Variants in CHAF1A observed in about 807,000 individuals in gnomAD.
CHAF1A encodes the protein CAF-1 subunit A.
In CHAF1A, 5 loss-of-function variants were observed where a neutral mutation model predicts 93.2. The observed-to-expected ratio is 0.05, with a 90% CI of 0.03 to 0.11. The LOEUF (loss-of-function observed/expected upper bound fraction) is 0.11, where lower values mean the gene tolerates loss of function less well. CHAF1A is among the 10% of genes least tolerant of loss of function. The pLI is 1.00. For synonymous variants in CHAF1A, 504 were observed against 510.3 expected, an observed-to-expected ratio of 0.99 and a Z score of 0.17; for missense variants, 1,102 against 1,259.9, an observed-to-expected ratio of 0.87 and a Z score of 1.90.
chr19:4,447,395 G>A, downstream of CHAF1A: 1 of 748,628 alleles, frequency 1.3e-6, no homozygotes, highest in South Asian at 1.6e-5. Context: ...ATCTTGTCCT[G>A]CTACCTTCTA....
chr19:4,408,804 T>C, intron 2 of CHAF1A, 99 bp from the exon 3 acceptor site: 2 of 1,435,802 alleles, frequency 1.4e-6, no homozygotes, highest in Non-Finnish European at 1.9e-6. Flanking sequence ...TTTAAAATTA[T>C]CTCCCACCCC....
At chr19:4,429,870 G>A (rs1172440911) in intron 10 of CHAF1A, 82 bp downstream of exon 10, 2 of 1,241,474 alleles carry the variant, frequency 1.6e-6, no homozygotes, top group Non-Finnish European at 2.3e-6. Context: ...TAAGGATGCA[G>A]CCCAGCTGTG....
intron 3 of CHAF1A, among the ~76,000 whole-genome samples, chr19:4,417,372 T>C (rs1050342636): frequency 6.6e-6 from 1 of 151,862 alleles, no homozygotes; most frequent in Non-Finnish European, 1.5e-5. Flanking sequence ...TATATTCCTG[T>C]AAGAACTCCA....
At chr19:4,445,965 C>T (rs758531878), downstream of CHAF1A, 4 of 1,509,168 alleles carry the variant, frequency 2.7e-6, no homozygotes, top group Non-Finnish European at 3.5e-6. Flanking sequence ...AACAAGGAGG[C>T]TCCCTCCTGG....
rs1384786906 is a variant in CHAF1A at position 4,442,344 on chromosome 19, G to A, written c.2770+3G>A. 6.3e-7 allele frequency: 1 copy of A among 1,581,428 alleles called. No individual in the cohort carries two copies. Among genetic ancestry groups the A allele is most frequent in the African/African-American group, 1.3e-5 (1 of 74,516 alleles). ...CGTGGATGTCCCGGATGCTGCGGGT[G>A]AGAAGGGCTGTAGATAGCAGAACGC... On this transcript the variant is annotated splice_donor_region_variant and intron_variant, in intron 14 of 14. Transcript: ENST00000301280.
chr19:4,447,523 G>A (rs763701564), downstream of CHAF1A: 16 of 1,612,102 alleles, frequency 9.9e-6, no homozygotes, highest in African/African-American at 2.1e-4. Context: ...CCCAGCCTGG[G>A]CCCCGGGGGC....
intron 7 of CHAF1A, among the ~76,000 whole-genome samples, chr19:4,426,372 G>C (rs899255886): frequency 8.6e-5 from 13 of 151,776 alleles, no homozygotes; most frequent in Non-Finnish European, 1.5e-4. Context: ...TTTGCACCGT[G>C]TTGGCCAGGA....
chr19:4,417,077 T>TC (rs1973908220), intron 3 of CHAF1A, among the ~76,000 whole-genome samples: 1 of 152,156 alleles, frequency 6.6e-6, no homozygotes, highest in East Asian at 1.9e-4. Flanking sequence ...CCTCCCGGGC[T>TC]CCTCCCACCC....
intron 14 of CHAF1A, among the ~76,000 whole-genome samples, 199 bp downstream of exon 14, chr19:4,442,540 GC>G (rs1258788606): frequency 6.6e-6 from 1 of 152,226 alleles, no homozygotes; most frequent in Non-Finnish European, 1.5e-5. Context: ...CATCGTTCTG[GC>G]CGCAGAGCCA....
intron 1 of CHAF1A, among the ~76,000 whole-genome samples, chr19:4,405,262 T>G (rs1401578507): frequency 1.3e-5 from 2 of 152,164 alleles, no homozygotes; most frequent in Middle Eastern, 3.4e-3. Flanking sequence ...ACACGAAAGT[T>G]TCAGATTAAA....
At position 4,433,523 on chromosome 19, in the gene CHAF1A, G is replaced by T. The variant is rs778336745; in HGVS notation, c.2657G>T (p.Arg886Leu). Residue 886 changes from arginine (R) to leucine (L), a missense_variant, in exon 13 of 15, where the codon CGC (arginine) becomes CTC (leucine). This residue lies in a region of CHAF1A where 119 missense variants were observed against 102.2 expected (regional missense o/e 1.16). Transcript: ENST00000301280. The surrounding 1 kb of genome is among the most constrained non-coding windows in gnomAD (Gnocchi z 5.6). ...SMCITQFMKK[R>L]RHDGQIGAED... Reference sequence around the variant, plus strand: ...TGCATCACCCAATTCATGAAGAAGCGCAGGCACGACGGCCAGGTGAGGTGG... The same window carrying T: ...TGCATCACCCAATTCATGAAGAAGCTCAGGCACGACGGCCAGGTGAGGTGG... 2.5e-6 allele frequency: 4 copies of T among 1,579,420 alleles called. No individual in the cohort carries two copies. The highest frequency in any genetic ancestry group is 2.3e-5 in the East Asian group (1 of 43,926).
intron 8 of CHAF1A, 159 bp downstream of exon 8, chr19:4,429,049 C>T (rs1337795355): frequency 4.9e-6 from 3 of 617,688 alleles, no homozygotes; most frequent in East Asian, 2.7e-5. Flanking sequence ...CCTCTCTCCA[C>T]CTGGCCTTCC....
At chr19:4,428,317 G>T (rs750940154) in intron 7 of CHAF1A, among the ~76,000 whole-genome samples, 67 of 147,724 alleles carry the variant, frequency 4.5e-4, no homozygotes, top group Non-Finnish European at 3.0e-4. Context: ...TTTAAGTGAG[G>T]TTTGTTGAGA....
intron 13 of CHAF1A, among the ~76,000 whole-genome samples, chr19:4,440,999 TA>T (rs71166997): frequency 0.36 from 47,348 of 132,560 alleles, 8,262 homozygotes; most frequent in East Asian, 0.61. Context: ...GGGCACCTGT[TA>T]AAAAAAAAAA....
chr19:4,413,272 G>A (rs1347364701), intron 3 of CHAF1A, among the ~76,000 whole-genome samples: 4 of 152,054 alleles, frequency 2.6e-5, no homozygotes, highest in East Asian at 1.9e-4. Context: ...GGGTTTCACC[G>A]TGTTGGACAG....
chr19:4,426,765 C>T (rs1032660695), intron 7 of CHAF1A, among the ~76,000 whole-genome samples: 12 of 152,046 alleles, frequency 7.9e-5, no homozygotes, highest in African/African-American at 2.9e-4. Flanking sequence ...TGAGCCACCA[C>T]GCCCAGCTAC....
At chr19:4,423,254 C>T in intron 5 of CHAF1A, 81 bp from the exon 6 acceptor site, 2 of 1,582,632 alleles carry the variant, frequency 1.3e-6, no homozygotes, top group South Asian at 1.2e-5. Context: ...AAATACTTGC[C>T]ATATACTAAC....
At chr19:4,444,865 CTTG>C (rs1235726443), downstream of CHAF1A, 2 of 152,718 alleles carry the variant, frequency 1.3e-5, no homozygotes, top group African/African-American at 4.8e-5. Flanking sequence ...TCATCGGGCA[CTTG>C]TGGCCAGGTG....
chr19:4,438,562 C>T (rs915740716), intron 13 of CHAF1A, among the ~76,000 whole-genome samples: 4 of 152,096 alleles, frequency 2.6e-5, no homozygotes, highest in Admixed American at 6.6e-5. Context: ...GGGTGAAGTG[C>T]CATGTATCTG....
Sources: allele counts gnomAD v4.1 joint callset (sites outside exome capture counted in the v4.1 genomes callset), GRCh38; gene constraint gnomAD v4.1.1; regional missense constraint gnomAD v4.1.1; non-coding constraint Gnocchi (gnomAD v3.1); transcripts MANE v1.5; gene names NCBI Gene and HGNC (gene_info 2026-07-23, HGNC 2026-07-21).